The following SGCZ variants were observed in gnomAD, a reference collection of about 807,000 sequenced individuals.
SGCZ encodes sarcoglycan zeta.
In SGCZ, 40 loss-of-function variants were observed where a neutral mutation model predicts 41.3. That is an observed-to-expected ratio of 0.97 (90% CI 0.75 to 1.26). The LOEUF is 1.26. Among genes scored for constraint, SGCZ ranks in the 50% most tolerant of loss-of-function variants. The pLI, the probability that SGCZ is intolerant of heterozygous loss-of-function variation, is 0.00. For missense variants in SGCZ, 552 were observed against 369.8 expected (o/e 1.49, Z -4.04); for synonymous variants, 206 against 137.5 (o/e 1.50, Z -3.49).
chr8:15,027,142 G>C (rs977351530), intron 1 of SGCZ, among the ~76,000 whole-genome samples: 1 of 152,144 alleles, frequency 6.6e-6, no homozygotes, highest in Non-Finnish European at 1.5e-5. Flanking sequence ...AGGCCTGGAA[G>C]ATGTTGCCTC....
chr8:14,696,152 A>T (rs1184011327), intron 1 of SGCZ, among the ~76,000 whole-genome samples: 2 of 152,126 alleles, frequency 1.3e-5, no homozygotes, highest in African/African-American at 4.8e-5. Flanking sequence ...TAACGCTTTC[A>T]TTATACATGG....
At chr8:14,606,673 A>G (rs1805760225) in intron 1 of SGCZ, among the ~76,000 whole-genome samples, 2 of 152,208 alleles carry the variant, frequency 1.3e-5, no homozygotes, top group African/African-American at 2.4e-5. Flanking sequence ...ACATTCTGAA[A>G]TGAAAAGTCC....
rs530430811 is a variant in SGCZ at position 14,508,854 on chromosome 8, G to T, written c.234+45878C>A. 5.9e-5 allele frequency among the ~76,000 whole-genome samples: 9 copies of T among 152,234 alleles called. No individual in the cohort carries two copies. In the South Asian group the frequency reaches 1.7e-3, roughly 28 times the overall value. ...AATAGGACCACTCTACTATTTGGAT[G>T]ATTACATTTTTGGGTGCTTAAGTGA... On this transcript the variant is annotated intron_variant, in intron 2 of 7. Transcript: ENST00000382080.
chr8:14,868,696 A>G (rs1804026242), intron 1 of SGCZ, among the ~76,000 whole-genome samples: 2 of 152,166 alleles, frequency 1.3e-5, no homozygotes, highest in African/African-American at 4.8e-5. Context: ...ACTATAATAA[A>G]TGTAATCTGC....
At chr8:14,983,232 C>T (rs1801727766) in intron 1 of SGCZ, among the ~76,000 whole-genome samples, 1 of 148,736 alleles carries the variant, frequency 6.7e-6, no homozygotes, top group Non-Finnish European at 1.5e-5. Flanking sequence ...CTCGCCCAGG[C>T]TGGAGTGCAG....
At chr8:15,118,030 T>C (rs1030237223) in intron 1 of SGCZ, among the ~76,000 whole-genome samples, 3 of 152,236 alleles carry the variant, frequency 2.0e-5, no homozygotes, top group Non-Finnish European at 4.4e-5. Flanking sequence ...AAGATAAGAA[T>C]GTCCTTGTGA....
intron 1 of SGCZ, among the ~76,000 whole-genome samples, chr8:14,610,850 T>C (rs1183600754): frequency 1.3e-5 from 2 of 152,184 alleles, no homozygotes; most frequent in African/African-American, 4.8e-5. Context: ...AGCTAAAGAA[T>C]GGAATGGAAG....
chr8:15,142,308 T>C (rs17609514), intron 1 of SGCZ, among the ~76,000 whole-genome samples: 15,412 of 152,164 alleles, frequency 0.1, 839 homozygotes, highest in East Asian at 0.2. Flanking sequence ...TCTGAGAAGT[T>C]ATGTTGTTTC....
intron 1 of SGCZ, among the ~76,000 whole-genome samples, chr8:14,899,505 G>C (rs1468645318): frequency 2.0e-5 from 3 of 152,204 alleles, no homozygotes; most frequent in African/African-American, 7.2e-5. Context: ...AACATGAGTA[G>C]CCATTTCCTC....
chr8:14,532,488 C>A (rs1803162742), intron 2 of SGCZ, among the ~76,000 whole-genome samples: 1 of 151,898 alleles, frequency 6.6e-6, no homozygotes, highest in Non-Finnish European at 1.5e-5. Flanking sequence ...AATTTTAAAA[C>A]TGGTGTTTCA....
chr8:14,118,815 G>C (rs1311342836), intron 5 of SGCZ, among the ~76,000 whole-genome samples: 2 of 152,152 alleles, frequency 1.3e-5, no homozygotes, highest in African/African-American at 2.4e-5. Flanking sequence ...TTATTAAATA[G>C]GGAATCCTTT....
intron 1 of SGCZ, among the ~76,000 whole-genome samples, chr8:14,660,189 C>A (rs1807702426): frequency 6.6e-6 from 1 of 152,090 alleles, no homozygotes; most frequent in Non-Finnish European, 1.5e-5. Flanking sequence ...ATTCTGGCAG[C>A]AGAGACCTAA....
chr8:14,373,259 G>A (rs1585419528), intron 2 of SGCZ, among the ~76,000 whole-genome samples: 2 of 152,148 alleles, frequency 1.3e-5, no homozygotes, highest in East Asian at 3.8e-4. Flanking sequence ...TTCACTAAAT[G>A]GAAAAGATTT....
chr8:14,896,967 T>C (rs1805224196), intron 1 of SGCZ, among the ~76,000 whole-genome samples: 1 of 150,124 alleles, frequency 6.7e-6, no homozygotes, highest in Admixed American at 6.7e-5. Flanking sequence ...GTATTTTTAG[T>C]AGAGATGGGC....
chr8:14,448,944 T>TTAATGAGAATGACCACTCAG (rs1212349904), intron 2 of SGCZ, among the ~76,000 whole-genome samples: 2 of 152,226 alleles, frequency 1.3e-5, no homozygotes, highest in Non-Finnish European at 2.9e-5. Flanking sequence ...GGTCCAAAGA[T>TTAATGAGAATGACCACTCAG]TAATGAGAAT....
intron 1 of SGCZ, among the ~76,000 whole-genome samples, chr8:15,121,900 CA>C (rs55783598): frequency 0.02 from 2,550 of 126,268 alleles, 59 homozygotes; most frequent in African/African-American, 0.064. Flanking sequence ...CGGCAGTTAC[CA>C]AAAAAAAAAA....
intron 1 of SGCZ, among the ~76,000 whole-genome samples, chr8:14,750,064 A>C (rs1799452010): frequency 6.6e-6 from 1 of 152,204 alleles, no homozygotes. Context: ...GGGCACCTTA[A>C]GATTATTTCT....
At chr8:14,961,504 A>G (rs1335323438) in intron 1 of SGCZ, among the ~76,000 whole-genome samples, 1 of 152,188 alleles carries the variant, frequency 6.6e-6, no homozygotes, top group Non-Finnish European at 1.5e-5. Context: ...TCCCATTCAC[A>G]TAATTTTTAT....
chr8:14,331,831 T>C (rs578052311), intron 2 of SGCZ, among the ~76,000 whole-genome samples: 20 of 151,914 alleles, frequency 1.3e-4, no homozygotes, highest in African/African-American at 4.3e-4. Flanking sequence ...CCTTTAGATA[T>C]GCAAATGCTT....
Sources: gnomAD v4.1 joint callset for allele counts (sites outside exome capture counted in the v4.1 genomes callset) on GRCh38, gnomAD v4.1.1 for gene constraint, MANE v1.5 for transcripts, NCBI Gene and HGNC (gene_info 2026-07-23, HGNC 2026-07-21) for gene names.